The following ZSWIM5 variants were observed in gnomAD, a reference collection of about 807,000 sequenced individuals.
ZSWIM5 encodes the protein zinc finger SWIM domain-containing protein 5.
ZSWIM5 carries 55 observed loss-of-function variants against 119.6 expected under a neutral mutation model. The observed-to-expected ratio is 0.46, with a 90% confidence interval of 0.37 to 0.58. The LOEUF is 0.58. Among genes scored for constraint, ZSWIM5 ranks in the 20% least tolerant of loss-of-function variants. The probability of loss-of-function intolerance (pLI) is 0.00; values close to 1 mark genes in which losing one functional copy is unlikely to be tolerated. For synonymous variants in ZSWIM5, 537 were observed against 606.9 expected, an observed-to-expected ratio of 0.88 and a Z score of 1.69; for missense variants, 1,193 against 1,512.8, an observed-to-expected ratio of 0.79 and a Z score of 3.51.
chr1:45,088,320 T>A lies in ZSWIM5; in HGVS notation c.596-83A>T. 2 of 1,013,116 alleles carry A rather than the reference T, an allele frequency of 2.0e-6. No individual in the cohort carries two copies. Among genetic ancestry groups the A allele is most frequent in the Non-Finnish European group, 2.8e-6 (2 of 703,104 alleles). The allele number at this position is 1,013,116 out of a possible 1,614,324, so 62.8% of individuals were successfully genotyped here. On this transcript the variant is annotated intron_variant, in intron 1 of 13. Transcript: ENST00000359600. The surrounding 1 kb of genome is among the most constrained non-coding windows in gnomAD (Gnocchi z 4.2). ...TCATTTTACATGTAAATTCATCAAT[T>A]CATAAATTATGTATTGGGTATCTCC...
At chr1:45,100,449 A>C (rs1483269585) in intron 1 of ZSWIM5, among the ~76,000 whole-genome samples, 1 of 152,232 alleles carries the variant, frequency 6.6e-6, no homozygotes, top group Non-Finnish European at 1.5e-5. Flanking sequence ...AGGAAGAATC[A>C]GTATCATGAA....
chr1:45,202,723 A>G (rs1646165213), intron 1 of ZSWIM5, among the ~76,000 whole-genome samples: 1 of 152,134 alleles, frequency 6.6e-6, no homozygotes, highest in Admixed American at 6.5e-5. Flanking sequence ...TAAGTGAGAA[A>G]AACTGTTAAT....
At chr1:45,034,192 T>C in intron 11 of ZSWIM5, 120 bp downstream of exon 11, 1 of 1,249,086 alleles carries the variant, frequency 8.0e-7, no homozygotes. Flanking sequence ...TGAGGACCAC[T>C]ATCACTCTAA....
intron 5 of ZSWIM5, among the ~76,000 whole-genome samples, chr1:45,050,829 G>C (rs1029118963): frequency 3.3e-5 from 5 of 152,160 alleles, no homozygotes; most frequent in African/African-American, 1.2e-4. Context: ...AGAGGCTCTA[G>C]GACATTATGC....
At chr1:45,146,431 C>CTTTTTTTTTTTTTTTTT in intron 1 of ZSWIM5, among the ~76,000 whole-genome samples, 1 of 45,882 alleles carries the variant, frequency 2.2e-5, no homozygotes, top group Non-Finnish European at 3.9e-5. Flanking sequence ...TGTTTCTAGA[C>CTTTTTTTTTTTTTTTTT]TTTTTTTTTT....
chr1:45,165,606 T>C (rs1373223189), intron 1 of ZSWIM5, among the ~76,000 whole-genome samples: 1 of 151,830 alleles, frequency 6.6e-6, no homozygotes, highest in Admixed American at 6.6e-5. Flanking sequence ...AAGAATCAAA[T>C]AGATGCAATA....
chr1:45,115,509 C>T lies in ZSWIM5; in HGVS notation c.596-27272G>A, dbSNP rs1326935253. Among the ~76,000 whole-genome samples the T allele has an allele frequency of 2.0e-5, 3 of 150,412 alleles. No homozygotes were observed. In the East Asian group the frequency reaches 6.0e-4, roughly 30 times the overall value. Reference sequence around the variant, plus strand: ...CCTCAGTTCCCAGACGGGGTCGCGGCCGGGCAGAGGCGCTCCTCACATCCC... The same window carrying T: ...CCTCAGTTCCCAGACGGGGTCGCGGTCGGGCAGAGGCGCTCCTCACATCCC... On this transcript the variant is annotated intron_variant, in intron 1 of 13. Coordinates refer to ENST00000359600, the MANE Select transcript of ZSWIM5 (RefSeq NM_020883.2).
intron 1 of ZSWIM5, among the ~76,000 whole-genome samples, chr1:45,183,318 C>T (rs1646034408): frequency 6.6e-6 from 1 of 151,422 alleles, no homozygotes; most frequent in Non-Finnish European, 1.5e-5. Context: ...AATTGACACC[C>T]TAACATCACA....
At position 45,087,816 on chromosome 1, in the gene ZSWIM5, G is replaced by C. The variant is rs898431836; in HGVS notation, c.952+65C>G. On this transcript the variant is annotated intron_variant, in intron 2 of 13. Coordinates refer to ENST00000359600, the MANE Select transcript of ZSWIM5 (RefSeq NM_020883.2). ...TAAAGCAACAAAGTAGAGGTAAGAG[G>C]GTTGCTTTGGTGACAGTGGTGATGA... is the stretch of plus-strand genomic sequence containing the variant. 4.3e-6 allele frequency: 5 copies of C among 1,156,644 alleles called. No homozygotes were observed. In the Admixed American group the frequency reaches 1.1e-4, roughly 25 times the overall value. The allele number at this position is 1,156,644 out of a possible 1,614,324, so 71.6% of individuals were successfully genotyped here.
chr1:45,110,197 T>C (rs556029999), intron 1 of ZSWIM5, among the ~76,000 whole-genome samples: 1 of 152,334 alleles, frequency 6.6e-6, no homozygotes, highest in South Asian at 2.1e-4. Context: ...AATTTGTTTA[T>C]AAAACAGTCA....
chr1:45,130,395 A>C (rs1476959455), intron 1 of ZSWIM5, among the ~76,000 whole-genome samples: 1 of 149,024 alleles, frequency 6.7e-6, no homozygotes, highest in Non-Finnish European at 1.5e-5. Flanking sequence ...CACACACACA[A>C]AACCCAAAAA....
At chr1:45,189,457 T>C (rs1646078281) in intron 1 of ZSWIM5, among the ~76,000 whole-genome samples, 2 of 152,120 alleles carry the variant, frequency 1.3e-5, no homozygotes, top group South Asian at 4.1e-4. Context: ...ATATTTGATC[T>C]TTAAAACCTA....
intron 1 of ZSWIM5, among the ~76,000 whole-genome samples, chr1:45,144,672 T>C (rs945559291): frequency 1.3e-5 from 2 of 152,130 alleles, no homozygotes; most frequent in African/African-American, 4.8e-5. Flanking sequence ...TAAACAAACC[T>C]CAATCTAAAC....
chr1:45,026,272 C>T (rs536507937), intron 11 of ZSWIM5, among the ~76,000 whole-genome samples: 9 of 152,088 alleles, frequency 5.9e-5, no homozygotes, highest in East Asian at 5.8e-4. Flanking sequence ...CAGGCTCAAG[C>T]GATTCTCTCA....
chr1:45,124,608 T>A (rs1054948101), intron 1 of ZSWIM5, among the ~76,000 whole-genome samples: 1 of 151,948 alleles, frequency 6.6e-6, no homozygotes, highest in Non-Finnish European at 1.5e-5. Flanking sequence ...ATGAAAGACA[T>A]GTCAAAACAT....
intron 1 of ZSWIM5, among the ~76,000 whole-genome samples, chr1:45,186,232 CA>C (rs1198489398): frequency 7.4e-6 from 1 of 135,468 alleles, no homozygotes; most frequent in Non-Finnish European, 1.5e-5. Flanking sequence ...AGGGGAACAT[CA>C]CACTCTGGGG....
intron 1 of ZSWIM5, among the ~76,000 whole-genome samples, chr1:45,191,110 C>T (rs11211083): frequency 6.6e-6 from 1 of 151,814 alleles, no homozygotes; most frequent in African/African-American, 2.4e-5. Flanking sequence ...CCGCGCCCGG[C>T]TAATTTTTTG....
intron 12 of ZSWIM5, 96 bp downstream of exon 12, chr1:45,020,529 A>G: frequency 7.1e-7 from 1 of 1,410,620 alleles, no homozygotes; most frequent in Non-Finnish European, 9.7e-7. Context: ...GAAGAGCCAG[A>G]CTTGGCCTAT....
At chr1:45,119,750 C>G (rs1161905059) in intron 1 of ZSWIM5, among the ~76,000 whole-genome samples, 1 of 152,158 alleles carries the variant, frequency 6.6e-6, no homozygotes, top group Non-Finnish European at 1.5e-5. Flanking sequence ...TTATCATTTA[C>G]CTTTGTATCT....
Sources: gnomAD v4.1 joint callset for allele counts (sites outside exome capture counted in the v4.1 genomes callset) on GRCh38, gnomAD v4.1.1 for gene constraint, Gnocchi (gnomAD v3.1) non-coding constraint, MANE v1.5 for transcripts, NCBI Gene and HGNC (gene_info 2026-07-23, HGNC 2026-07-21) for gene names.